UGT3A1: variants seen among roughly 807,000 people sequenced by gnomAD.
UGT3A1 encodes UDP glycosyltransferase family 3 member A1, also known as UDP-glycosyltransferase 3A1.
In UGT3A1, 40 loss-of-function variants were observed where a neutral mutation model predicts 37.6. The observed-to-expected ratio is 1.06, with a 90% CI of 0.83 to 1.38. The LOEUF is 1.38. UGT3A1 is among the 40% of genes most tolerant of loss of function. The pLI is 0.00. For synonymous variants in UGT3A1, 256 were observed against 232.3 expected (o/e 1.10, Z -0.93); for missense variants, 642 against 634.2 (o/e 1.01, Z -0.13).
rs1309345771 is a variant in UGT3A1 at position 35,951,461 on chromosome 5, C to T, written c.*2741G>A. 5.3e-5 allele frequency: 8 copies of T among 152,076 alleles called. No homozygotes were observed. The highest frequency in any genetic ancestry group is 1.7e-4 in the African/African-American group (7 of 41,400). The allele number at this position is 152,076 out of a possible 1,614,324, so 9.4% of individuals were successfully genotyped here. A position where few individuals can be genotyped will look rare whatever the true frequency, so the allele number is the denominator to read the frequency against. On this transcript the variant is annotated 3_prime_UTR_variant, in exon 7 of 7. Transcript: ENST00000274278. Reference sequence around the variant, plus strand: ...TTACTCTTTGCTATTTTTTACTTAACCATATTGGAATTTGCTCCATATTAG... The same window carrying T: ...TTACTCTTTGCTATTTTTTACTTAATCATATTGGAATTTGCTCCATATTAG...
At position 36,000,339 on chromosome 5, in the gene UGT3A1, A is replaced by G. The variant is rs77900896; in HGVS notation, c.-160+629T>C. Among the ~76,000 whole-genome samples, 13 of 152,360 alleles carry G rather than the reference A, an allele frequency of 8.5e-5. No individual in the cohort carries two copies. The East Asian group carries it at 2.5e-3, about 29-fold the overall frequency. Reference sequence around the variant, plus strand: ...TCTCTTCAAAAAGCCAAGATTTAGTAAAGAATTCCTTTTACAGTGTGCTCC... The same window carrying G: ...TCTCTTCAAAAAGCCAAGATTTAGTGAAGAATTCCTTTTACAGTGTGCTCC... On this transcript the variant is annotated intron_variant, in intron 1 of 5. Coordinates refer to the UGT3A1 transcript ENST00000625798.
At chr5:35,957,960 A>C (rs1739423098) in intron 4 of UGT3A1, among the ~76,000 whole-genome samples, 1 of 152,074 alleles carries the variant, frequency 6.6e-6, no homozygotes, top group African/African-American at 2.4e-5. Context: ...ATTACTAAAA[A>C]TGGGGTATCG....
At chr5:35,976,495 A>G (rs1740276140) in intron 2 of UGT3A1, among the ~76,000 whole-genome samples, 1 of 152,168 alleles carries the variant, frequency 6.6e-6, no homozygotes, top group Non-Finnish European at 1.5e-5. Context: ...CAATTTTTTA[A>G]AAAGTTAAAC....
chr5:35,983,347 G>A (rs1740605014), intron 2 of UGT3A1, among the ~76,000 whole-genome samples: 1 of 152,062 alleles, frequency 6.6e-6, no homozygotes, highest in Admixed American at 6.6e-5. Context: ...CCATGACTGA[G>A]CAATCAAGAA....
At chr5:35,989,816 G>T (rs1276914490) in intron 1 of UGT3A1, among the ~76,000 whole-genome samples, 4 of 152,216 alleles carry the variant, frequency 2.6e-5, no homozygotes, top group Non-Finnish European at 4.4e-5. Context: ...GCGGGGAAAA[G>T]ACTTCAAATG....
At chr5:35,995,950 C>T (rs562933596), upstream of UGT3A1, among the ~76,000 whole-genome samples, 8 of 150,248 alleles carry the variant, frequency 5.3e-5, no homozygotes, top group South Asian at 6.3e-4. Flanking sequence ...TGTAAAATGG[C>T]ACATGACAAA....
chr5:35,977,911 G>A (rs1252191291), intron 2 of UGT3A1, among the ~76,000 whole-genome samples: 1 of 152,188 alleles, frequency 6.6e-6, no homozygotes, highest in East Asian at 1.9e-4. Context: ...GACACATAGT[G>A]GGGATTGCAA....
At chr5:35,973,034 A>T (rs1740113159) in intron 2 of UGT3A1, among the ~76,000 whole-genome samples, 1 of 152,194 alleles carries the variant, frequency 6.6e-6, no homozygotes, top group African/African-American at 2.4e-5. Flanking sequence ...TCAGGAAAGG[A>T]GATCCTAAAA....
chr5:35,977,495 T>G (rs901957446), intron 2 of UGT3A1, among the ~76,000 whole-genome samples: 12 of 152,176 alleles, frequency 7.9e-5, no homozygotes, highest in Admixed American at 7.9e-4. Context: ...ACCATGGTAG[T>G]GAATTCACAC....
rs568596538 is a variant in UGT3A1, at chr5:35,977,660, T to C, written c.197-9527A>G. Reference sequence around the variant, plus strand: ...GCTGAGCAGATGCTGGTGCCATGCTTGTACAGCCTGCAGAACTGTGAGTCA... The same window carrying C: ...GCTGAGCAGATGCTGGTGCCATGCTCGTACAGCCTGCAGAACTGTGAGTCA... On this transcript the variant is annotated intron_variant, in intron 2 of 6. Coordinates refer to ENST00000274278, the MANE Select transcript of UGT3A1 (RefSeq NM_152404.4). 4.5e-4 allele frequency among the ~76,000 whole-genome samples: 69 copies of C among 152,342 alleles called. 1 individual carries two copies. Among genetic ancestry groups the C allele is most frequent in the African/African-American group, 1.6e-3 (68 of 41,582 alleles).
At chr5:35,981,343 G>A (rs1349975062) in intron 2 of UGT3A1, among the ~76,000 whole-genome samples, 2 of 152,154 alleles carry the variant, frequency 1.3e-5, no homozygotes, top group African/African-American at 2.4e-5. Flanking sequence ...ACAGAAGAGT[G>A]GCCCTTGTTG....
intron 2 of UGT3A1, among the ~76,000 whole-genome samples, chr5:35,987,968 C>T (rs1449177596): frequency 1.3e-5 from 2 of 152,162 alleles, no homozygotes; most frequent in Non-Finnish European, 2.9e-5. Flanking sequence ...ATTTTTCAAG[C>T]ATATGAGGTC....
At chr5:35,960,596 C>T in intron 4 of UGT3A1, among the ~76,000 whole-genome samples, 1 of 152,186 alleles carries the variant, frequency 6.6e-6, no homozygotes. Context: ...GGGTGGGTGC[C>T]TGCAACTCCT....
upstream of UGT3A1, among the ~76,000 whole-genome samples, chr5:35,993,346 C>A (rs1436399905): frequency 6.6e-6 from 1 of 152,052 alleles, no homozygotes; most frequent in African/African-American, 2.4e-5. Flanking sequence ...TGCCTGTAAT[C>A]CCAGCTACTC....
intron 1 of UGT3A1, among the ~76,000 whole-genome samples, chr5:36,000,244 A>T (rs1352686558): frequency 6.6e-6 from 1 of 152,232 alleles, no homozygotes; most frequent in Non-Finnish European, 1.5e-5. Flanking sequence ...ATGTGTATGG[A>T]AATGAAGATA....
At chr5:35,955,370 G>A in intron 6 of UGT3A1, 2 of 585,408 alleles carry the variant, frequency 3.4e-6, no homozygotes, top group Non-Finnish European at 6.1e-6. Context: ...AATTCCACTA[G>A]AGGGACTCCC....
intron 2 of UGT3A1, among the ~76,000 whole-genome samples, chr5:35,968,492 A>T (rs1580932753): frequency 6.6e-6 from 1 of 152,340 alleles, no homozygotes; most frequent in East Asian, 1.9e-4. Flanking sequence ...GCTTGTGTTT[A>T]AATGTAGGTC....
chr5:35,986,544 C>T (rs1740735102), intron 2 of UGT3A1, among the ~76,000 whole-genome samples: 1 of 151,970 alleles, frequency 6.6e-6, no homozygotes, highest in African/African-American at 2.4e-5. Context: ...AATTAGAGGC[C>T]ATTATATTAA....
intron 2 of UGT3A1, among the ~76,000 whole-genome samples, chr5:35,981,431 A>G (rs1740517956): frequency 6.6e-6 from 1 of 152,142 alleles, no homozygotes; most frequent in Non-Finnish European, 1.5e-5. Flanking sequence ...GAAATGACGA[A>G]CTTATTGGGA....
Sources: allele counts gnomAD v4.1 joint callset (sites outside exome capture counted in the v4.1 genomes callset), GRCh38; gene constraint gnomAD v4.1.1; transcripts MANE v1.5; gene names NCBI Gene and HGNC (gene_info 2026-07-23, HGNC 2026-07-21).